Variants in SLC17A9 observed in about 807,000 individuals in gnomAD.
SLC17A9 encodes voltage-gated purine nucleotide uniporter SLC17A9.
Under a neutral mutation model 55.0 loss-of-function variants are expected in SLC17A9, and 49 were observed. That is an observed-to-expected ratio of 0.89 (90% confidence interval 0.71 to 1.13). SLC17A9 has a LOEUF of 1.13. Ranked by LOEUF, SLC17A9 falls within the 50% of genes most tolerant of loss-of-function variation. The probability of loss-of-function intolerance (pLI) is 0.00; values close to 1 mark genes in which losing one functional copy is unlikely to be tolerated. For synonymous variants in SLC17A9, 256 were observed against 247.4 expected (o/e 1.03, Z -0.32); for missense variants, 526 against 569.3 (o/e 0.92, Z 0.77).
Position 62,960,616 on chromosome 20 carries a change from C to T in SLC17A9, c.497+13C>T, listed in dbSNP as rs778749599. The T allele has an allele frequency of 6.2e-7, 1 of 1,606,234 alleles. No homozygotes were observed. The highest frequency in any genetic ancestry group is 1.3e-5 in the African/African-American group (1 of 75,036). ...GCTCCCAGTTTGGGTAAGTCCTGGC[C>T]TAAGACGGGGCCCAGGAGAGGCCAC... On this transcript the variant is annotated intron_variant, in intron 4 of 12. Coordinates refer to ENST00000370351, the MANE Select transcript of SLC17A9 (RefSeq NM_022082.4).
chr20:62,965,087 C>T, intron 8 of SLC17A9, 45 bp from the exon 9 acceptor site: 1 of 1,612,840 alleles, frequency 6.2e-7, no homozygotes, highest in Non-Finnish European at 8.5e-7. Flanking sequence ...GGGGTGTCAG[C>T]ACGAAAGGGC....
chr20:62,955,533 A>G (rs2147644202), intron 1 of SLC17A9, among the ~76,000 whole-genome samples: 1 of 151,088 alleles, frequency 6.6e-6, no homozygotes, highest in African/African-American at 2.4e-5. Flanking sequence ...GCTGCTCTTG[A>G]ACTCTTGGGC....
Position 62,956,876 on chromosome 20 carries a change from GA to G in SLC17A9, c.173del (p.Asn58ThrfsTer18), listed in dbSNP as rs1479006125. On this transcript the variant is annotated frameshift_variant, in exon 2 of 13. Coordinates refer to ENST00000370351, the MANE Select transcript of SLC17A9 (RefSeq NM_022082.4). LOFTEE classifies it high-confidence loss of function. The part of the protein sequence containing the change: ...TVSMSQDFGW[N>X]KKEAGIVLSS... Reference sequence around the variant, plus strand: ...TCTCCATGAGCCAGGACTTCGGCTGGAACAAGAAGGAGGCCGGCATCGTGCT... The same window carrying G: ...TCTCCATGAGCCAGGACTTCGGCTGGACAAGAAGGAGGCCGGCATCGTGCT... 6.2e-7 allele frequency: 1 copy of G among 1,613,614 alleles called. No individual in the cohort carries two copies. Among genetic ancestry groups the G allele is most frequent in the South Asian group, 1.1e-5 (1 of 91,090 alleles).
rs372539389 is a variant in SLC17A9 at position 62,962,627 on chromosome 20, G to A, written c.501G>A (p.Thr167=). The change falls in exon 5 of 13, where the codon ACG becomes ACA. Residue 167 remains threonine, a synonymous_variant. Transcript: ENST00000370351. The surrounding 1 kb of genome is among the most constrained non-coding windows in gnomAD (Gnocchi z 5.5). ...CACACTCCCCCTGTCTTTGCAGGAC[G>A]CTGCTGACCGGGGCGGTGGGCTCCC... The part of the protein sequence containing the change: ...SIVGAGSQFG[T]LLTGAVGSLL... 5.1e-5 allele frequency: 83 copies of A among 1,613,762 alleles called. 1 individual carries two copies. The highest frequency in any genetic ancestry group is 4.7e-4 in the Admixed American group (28 of 60,012).
intron 3 of SLC17A9, among the ~76,000 whole-genome samples, chr20:62,959,080 G>C (rs2065566731): frequency 1.3e-5 from 2 of 152,182 alleles, no homozygotes; most frequent in Middle Eastern, 3.2e-3. Context: ...AGGCCTGGCG[G>C]GGGGTGGGGG....
intron 11 of SLC17A9, 36 bp from the exon 12 acceptor site, chr20:62,966,667 C>T: frequency 6.2e-7 from 1 of 1,613,902 alleles, no homozygotes; most frequent in South Asian, 1.1e-5. Flanking sequence ...CTTTTGCTGA[C>T]CATCCATATT....
chr20:62,965,106 G>T (rs758364896), intron 8 of SLC17A9, 26 bp from the exon 9 acceptor site: 2 of 1,613,914 alleles, frequency 1.2e-6, no homozygotes, highest in Admixed American at 1.7e-5. Context: ...GCTAACGGGA[G>T]CCCCTTCCTT....
Position 62,960,540 on chromosome 20 carries a change from A to C in SLC17A9, c.434A>C (p.Gln145Pro). Residue 145 changes from glutamine (Q) to proline (P), a missense_variant, in exon 4 of 13, where the codon CAG (glutamine) becomes CCG (proline). Coordinates refer to ENST00000370351, the MANE Select transcript of SLC17A9 (RefSeq NM_022082.4). ...YFPALTSLLSQKVRESERAFT... is the reference protein window; with the variant it reads ...YFPALTSLLSPKVRESERAFT... ...CCTGCCCTGACCAGCCTGCTGTCGC[A>C]GAAGGTGCGGGAGAGTGAGCGAGCC... is the stretch of plus-strand genomic sequence containing the variant. 1 of 1,613,704 alleles carries C rather than the reference A, an allele frequency of 6.2e-7. No individual in the cohort carries two copies. The highest frequency in any genetic ancestry group is 8.5e-7 in the Non-Finnish European group (1 of 1,180,000).
intron 1 of SLC17A9, 99 bp downstream of exon 1, chr20:62,952,988 G>A: frequency 7.5e-7 from 1 of 1,335,324 alleles, no homozygotes. Context: ...TAGGTGGGGA[G>A]GGCTGAGCTG....
At chr20:62,967,188 G>A (rs1234470168) in intron 12 of SLC17A9, 149 bp from the exon 13 acceptor site, 3 of 908,892 alleles carry the variant, frequency 3.3e-6, no homozygotes, top group African/African-American at 1.7e-5. Flanking sequence ...CCACAGCTGG[G>A]ACACTGAATT....
In SLC17A9 at chr20:62,955,287, A is replaced by G. The variant is rs190001451; in HGVS notation, c.60-1478A>G. Among the ~76,000 whole-genome samples, 1,231 of 151,580 alleles carry G rather than the reference A, an allele frequency of 8.1e-3. 15 individuals carry two copies. Among genetic ancestry groups the G allele is most frequent in the African/African-American group, 0.028 (1,176 of 41,318 alleles). ...CTCAGCCTCCCAAGTAGCTGGGATT[A>G]CAGGCACCCGCCACTACGCCTGGCT... On this transcript the variant is annotated intron_variant, in intron 1 of 12. Transcript: ENST00000370351.
intron 10 of SLC17A9, 131 bp from the exon 11 acceptor site, chr20:62,966,394 G>T: frequency 1.0e-6 from 1 of 994,766 alleles, no homozygotes; most frequent in East Asian, 2.4e-5. Flanking sequence ...TGGCCAGGGA[G>T]CAGGCCTGAG....
At position 62,965,154 on chromosome 20, in the gene SLC17A9, G is replaced by T. The variant is rs975033397; in HGVS notation, c.933G>T (p.Arg311=). The T allele has an allele frequency of 6.2e-7, 1 of 1,614,136 alleles. No homozygotes were observed. The highest frequency in any genetic ancestry group is 1.7e-5 in the Admixed American group (1 of 60,030). The change falls in exon 9 of 13, where the codon CGG becomes CGT. Residue 311 remains arginine, a synonymous_variant. Transcript: ENST00000370351. ...TAGGTTACAGAGCCATCACGGTGCG[G>T]AAGCTCATGCAGGTAGGAGAATCAT... is the stretch of plus-strand genomic sequence containing the variant. ...INQGYRAITV[R]KLMQGMGLGL...
At position 62,964,998 on chromosome 20, in the gene SLC17A9, C is replaced by A. The variant is rs1035607911; in HGVS notation, c.911-134C>A. 10 of 1,017,528 alleles carry A rather than the reference C, an allele frequency of 9.8e-6. No homozygotes were observed. In the Admixed American group the frequency reaches 1.2e-4, roughly 12 times the overall value. The allele number at this position is 1,017,528 out of a possible 1,614,324, so 63.0% of individuals were successfully genotyped here. Reference sequence around the variant, plus strand: ...TGTGTGCACACGTTTTTGCCTGCAGCACGGGATAGCTGTCTTGAGCCCCAA... The same window carrying A: ...TGTGTGCACACGTTTTTGCCTGCAGAACGGGATAGCTGTCTTGAGCCCCAA... On this transcript the variant is annotated intron_variant, in intron 8 of 12. Transcript: ENST00000370351.
At chr20:62,965,054 C>A in intron 8 of SLC17A9, 78 bp from the exon 9 acceptor site, 1 of 1,553,348 alleles carries the variant, frequency 6.4e-7, no homozygotes, top group Non-Finnish European at 8.9e-7. Context: ...CCCTCTGCAG[C>A]CATTCGGGAT....
Position 62,962,577 on chromosome 20 carries a change from G to T in SLC17A9, c.498-47G>T. The T allele has an allele frequency of 6.2e-7, 1 of 1,605,312 alleles. No homozygotes were observed. Among genetic ancestry groups the T allele is most frequent in the Non-Finnish European group, 8.5e-7 (1 of 1,175,398 alleles). ...GTTTCTGAGAGGCCCCTCCTCACCC[G>T]AGGGGTGCCGCTGAGGGGCCTGGCC... On this transcript the variant is annotated intron_variant, in intron 4 of 12. Transcript: ENST00000370351. The surrounding 1 kb of genome is among the most constrained non-coding windows in gnomAD (Gnocchi z 5.5).
In SLC17A9 at chr20:62,962,553, T is replaced by G; in HGVS notation, c.498-71T>G. 1 of 1,559,380 alleles carries G rather than the reference T, an allele frequency of 6.4e-7. No individual in the cohort carries two copies. The highest frequency in any genetic ancestry group is 1.2e-5 in the South Asian group (1 of 84,026). Reference sequence around the variant, plus strand: ...GGGCTCAGCCTGCACCAGGGTGGGGTTTCTGAGAGGCCCCTCCTCACCCGA... The same window carrying G: ...GGGCTCAGCCTGCACCAGGGTGGGGGTTCTGAGAGGCCCCTCCTCACCCGA... On this transcript the variant is annotated intron_variant, in intron 4 of 12. Coordinates refer to ENST00000370351, the MANE Select transcript of SLC17A9 (RefSeq NM_022082.4). The surrounding 1 kb of genome is among the most constrained non-coding windows in gnomAD (Gnocchi z 5.5).
intron 1 of SLC17A9, among the ~76,000 whole-genome samples, chr20:62,956,012 T>G (rs1319973372): frequency 6.6e-6 from 1 of 152,246 alleles, no homozygotes; most frequent in Admixed American, 6.5e-5. Flanking sequence ...TGGTTGGCCC[T>G]GCCGTGGGGA....
chr20:62,957,995 C>T (rs745429366), intron 3 of SLC17A9, among the ~76,000 whole-genome samples: 40 of 152,080 alleles, frequency 2.6e-4, no homozygotes, highest in Admixed American at 4.6e-4. Flanking sequence ...CGTGTGCGTA[C>T]GTATGTGTGC....
Sources: allele counts gnomAD v4.1 joint callset (sites outside exome capture counted in the v4.1 genomes callset), GRCh38; gene constraint gnomAD v4.1.1; non-coding constraint Gnocchi (gnomAD v3.1); transcripts MANE v1.5; gene names NCBI Gene and HGNC (gene_info 2026-07-23, HGNC 2026-07-21).